CCDC158: variants seen among roughly 807,000 people sequenced by gnomAD.
CCDC158 encodes coiled-coil domain containing 158.
In CCDC158, 116 loss-of-function variants were observed where a neutral mutation model predicts 138.6. The ratio of observed to expected loss-of-function variants is 0.84; its 90% CI spans 0.72 to 0.98. CCDC158 has a LOEUF of 0.98. Ranked by LOEUF, CCDC158 falls within the 50% of genes least tolerant of loss-of-function variation. CCDC158 has a pLI of 0.00. For missense variants in CCDC158, 1,265 were observed against 1,306.1 expected, an observed-to-expected ratio of 0.97 and a Z score of 0.48; for synonymous variants, 436 against 442.4, an observed-to-expected ratio of 0.99 and a Z score of 0.18.
chr4:76,411,825 G>T (rs572431391), intron 2 of CCDC158, among the ~76,000 whole-genome samples: 1 of 151,670 alleles, frequency 6.6e-6, no homozygotes, highest in African/African-American at 2.4e-5. Context: ...AAATCTAAGC[G>T]CCACACACCC....
At chr4:76,364,743 T>C (rs1253484044) in intron 12 of CCDC158, among the ~76,000 whole-genome samples, 2 of 152,250 alleles carry the variant, frequency 1.3e-5, no homozygotes, top group East Asian at 3.8e-4. Context: ...CCCCAAATTA[T>C]CGCCCTACTG....
In CCDC158 at chr4:76,367,377, G is replaced by T; in HGVS notation, c.1747C>A (p.Arg583=). 1 of 1,614,092 alleles carries T rather than the reference G, an allele frequency of 6.2e-7. No homozygotes were observed. Among genetic ancestry groups the T allele is most frequent in the Non-Finnish European group, 8.5e-7 (1 of 1,180,024 alleles). Residue 583 remains arginine (R), a synonymous_variant, in exon 12 of 25, where the codon CGA becomes AGA. Coordinates refer to ENST00000682701, the MANE Select transcript of CCDC158 (RefSeq NM_001394954.1). ...NMTQLVGQHG[R]TAGAMQVEKA... The stretch of plus-strand genomic sequence containing the variant: ...TCTACTTGCATAGCTCCAGCAGTTC[G>T]TCCATGCTGGCCCACCAGCTGTGTC...
intron 18 of CCDC158, among the ~76,000 whole-genome samples, chr4:76,335,401 C>T (rs910640745): frequency 6.6e-6 from 1 of 152,092 alleles, no homozygotes; most frequent in Non-Finnish European, 1.5e-5. Context: ...CTTCTGCCCA[C>T]CAGAAAGTTT....
chr4:76,363,474 T>C (rs1272650027), intron 12 of CCDC158, among the ~76,000 whole-genome samples: 4 of 152,110 alleles, frequency 2.6e-5, no homozygotes, highest in African/African-American at 9.7e-5. Context: ...CGAGTCCTCC[T>C]AGGGAATCAT....
chr4:76,412,950 C>T (rs1729407527), intron 1 of CCDC158, among the ~76,000 whole-genome samples: 1 of 152,186 alleles, frequency 6.6e-6, no homozygotes, highest in Admixed American at 6.5e-5. Flanking sequence ...TCTCCAGGTA[C>T]AGTCCAAACT....
rs572654647 is a variant in CCDC158, at chr4:76,403,064, T to C, written c.70+74A>G. On this transcript the variant is annotated intron_variant, in intron 3 of 24. Transcript: ENST00000682701. ...CCACATGGTTAAAAATAAAACATACTAGAAACAGCAGCTTGAATGAATATC... is the reference window on the plus strand; with the variant it reads ...CCACATGGTTAAAAATAAAACATACCAGAAACAGCAGCTTGAATGAATATC... 2.5e-5 allele frequency: 26 copies of C among 1,025,260 alleles called. No individual in the cohort carries two copies. In the African/African-American group the frequency reaches 3.4e-4, roughly 13 times the overall value. 63.5% of individuals were successfully genotyped at this position (1,025,260 alleles called of 1,614,324 possible).
intron 4 of CCDC158, among the ~76,000 whole-genome samples, chr4:76,385,219 G>A (rs1048204939): frequency 6.6e-6 from 1 of 152,090 alleles, no homozygotes. Context: ...TGAATAGAAA[G>A]TTTGCCATCA....
intron 9 of CCDC158, among the ~76,000 whole-genome samples, chr4:76,373,134 C>A (rs1278996725): frequency 1.3e-5 from 2 of 152,224 alleles, no homozygotes; most frequent in Non-Finnish European, 2.9e-5. Flanking sequence ...CAGGCGTGAG[C>A]CACCGCGCCC....
rs988766266 is a variant in CCDC158 at position 76,409,189 on chromosome 4, A to G, written c.-74+2901T>C. On this transcript the variant is annotated intron_variant, in intron 2 of 24. Coordinates refer to ENST00000682701, the MANE Select transcript of CCDC158 (RefSeq NM_001394954.1). ...ATTTTCACTATTTTAGACTGACCAT[A>G]TATCCTGAATTTGGTCAAGTCATCA... 5.9e-5 allele frequency among the ~76,000 whole-genome samples: 9 copies of G among 152,176 alleles called. No homozygotes were observed. In the East Asian group the frequency reaches 1.7e-3, roughly 29 times the overall value.
chr4:76,370,641 G>T (rs750325576), intron 10 of CCDC158, among the ~76,000 whole-genome samples: 6 of 152,166 alleles, frequency 3.9e-5, no homozygotes, highest in South Asian at 2.1e-4. Flanking sequence ...AACGAGAGGT[G>T]GTGATGGTAA....
chr4:76,359,026 T>C (rs1723859518), intron 13 of CCDC158, among the ~76,000 whole-genome samples: 1 of 152,176 alleles, frequency 6.6e-6, no homozygotes, highest in Admixed American at 6.5e-5. Context: ...GATTTCCCCC[T>C]TGCTGTTCTT....
intron 10 of CCDC158, among the ~76,000 whole-genome samples, chr4:76,370,233 T>C (rs1355912984): frequency 6.6e-6 from 1 of 151,998 alleles, no homozygotes; most frequent in African/African-American, 2.4e-5. Context: ...CTGGAAGTGG[T>C]TTTTCATTAA....
At chr4:76,326,380 C>G (rs1242656118) in intron 22 of CCDC158, among the ~76,000 whole-genome samples, 1 of 151,950 alleles carries the variant, frequency 6.6e-6, no homozygotes, top group Non-Finnish European at 1.5e-5. Flanking sequence ...TATAATATGT[C>G]ATACAATAAA....
chr4:76,369,280 T>A (rs550777838), intron 11 of CCDC158, 146 bp downstream of exon 11: 2 of 542,390 alleles, frequency 3.7e-6, no homozygotes, highest in African/African-American at 3.9e-5. Flanking sequence ...CAGGTTTTCA[T>A]AAATTGCTCA....
chr4:76,382,569 T>C (rs757079694), intron 8 of CCDC158, 41 bp downstream of exon 8: 1 of 1,214,756 alleles, frequency 8.2e-7, no homozygotes, highest in South Asian at 1.2e-5. Context: ...AATAATATCT[T>C]TAAAATGAAG....
chr4:76,356,211 C>CAGTT (rs1404617813), intron 14 of CCDC158, among the ~76,000 whole-genome samples: 1 of 152,064 alleles, frequency 6.6e-6, no homozygotes, highest in Non-Finnish European at 1.5e-5. Context: ...TAACAAGATA[C>CAGTT]AGTTCTTCTA....
At chr4:76,391,943 T>G (rs1339573160) in intron 4 of CCDC158, among the ~76,000 whole-genome samples, 1 of 151,894 alleles carries the variant, frequency 6.6e-6, no homozygotes, top group Non-Finnish European at 1.5e-5. Context: ...CCTAGACACA[T>G]TCAACTTACC....
intron 24 of CCDC158, among the ~76,000 whole-genome samples, chr4:76,315,213 C>T (rs912480738): frequency 2.6e-5 from 4 of 152,144 alleles, no homozygotes; most frequent in Admixed American, 2.0e-4. Context: ...AACATAACTC[C>T]ACTGGCCCAA....
At chr4:76,329,441 G>A (rs918854898) in intron 21 of CCDC158, among the ~76,000 whole-genome samples, 5 of 152,012 alleles carry the variant, frequency 3.3e-5, no homozygotes, top group Middle Eastern at 3.2e-3. Context: ...AAAATTAGCC[G>A]GGCGAGGTGG....
Sources: gnomAD v4.1 joint callset for allele counts (sites outside exome capture counted in the v4.1 genomes callset) on GRCh38, gnomAD v4.1.1 for gene constraint, MANE v1.5 for transcripts, NCBI Gene and HGNC (gene_info 2026-07-23, HGNC 2026-07-21) for gene names.